The following ZBTB41 variants were observed in gnomAD, a reference collection of about 807,000 sequenced individuals.
ZBTB41 encodes zinc finger and BTB domain-containing protein 41.
ZBTB41 carries 42 observed loss-of-function variants against 87.6 expected under a neutral mutation model. The ratio of observed to expected loss-of-function variants is 0.48; its 90% CI spans 0.37 to 0.62. The LOEUF is 0.62. Ranked by LOEUF, ZBTB41 falls within the 20% of genes least tolerant of loss-of-function variation. The probability of loss-of-function intolerance (pLI) is 0.00; values close to 1 mark genes in which losing one functional copy is unlikely to be tolerated. For synonymous variants in ZBTB41, 364 were observed against 364.0 expected, an observed-to-expected ratio of 1.00 and a Z score of 0.00; for missense variants, 799 against 1,078.9, an observed-to-expected ratio of 0.74 and a Z score of 3.63.
At chr1:197,187,531 G>A (rs1282701745) in intron 5 of ZBTB41, among the ~76,000 whole-genome samples, 1 of 152,042 alleles carries the variant, frequency 6.6e-6, no homozygotes, top group African/African-American at 2.4e-5. Flanking sequence ...ATGGAAATGT[G>A]ATGTAAATCA....
In ZBTB41 at chr1:197,158,834, A is replaced by T. The variant is rs1347714769; in HGVS notation, c.*525T>A. On this transcript the variant is annotated 3_prime_UTR_variant, in exon 11 of 11. Coordinates refer to ENST00000367405, the MANE Select transcript of ZBTB41 (RefSeq NM_194314.3). ...TTATGTATGAATGGAAAGACAACAC[A>T]GAAATATCCAAGGCATTCTTGTAAA... The T allele has an allele frequency of 6.5e-6, 1 of 153,050 alleles. No homozygotes were observed. The allele number at this position is 153,050 out of a possible 1,614,324, so 9.5% of individuals were successfully genotyped here.
intron 2 of ZBTB41, among the ~76,000 whole-genome samples, chr1:197,196,147 G>A (rs561276793): frequency 2.6e-5 from 4 of 152,254 alleles, no homozygotes; most frequent in African/African-American, 9.6e-5. Context: ...GTAACCTCCA[G>A]GCTCACAATC....
At chr1:197,164,333 T>C (rs1175326108) in intron 10 of ZBTB41, among the ~76,000 whole-genome samples, 2 of 151,914 alleles carry the variant, frequency 1.3e-5, no homozygotes, top group Non-Finnish European at 2.9e-5. Flanking sequence ...TTAATGATTA[T>C]AAACAAAGTG....
At chr1:197,174,895 G>C in intron 9 of ZBTB41, 115 bp downstream of exon 9, 1 of 667,436 alleles carries the variant, frequency 1.5e-6, no homozygotes, top group Non-Finnish European at 2.5e-6. Context: ...ACAGAATGTA[G>C]AGAAAGAGAA....
rs1050769120 is a variant in ZBTB41, at chr1:197,162,571, GAGACTTATTTC to G, written c.2075-2568_2075-2558del. On this transcript the variant is annotated intron_variant, in intron 10 of 10. Coordinates refer to ENST00000367405, the MANE Select transcript of ZBTB41 (RefSeq NM_194314.3). Reference sequence around the variant, plus strand: ...TTGGTATGTGAAAAATGTGCATTGGGAGACTTATTTCAGACTTATTTCAGACTTACATCATA... The same window carrying G: ...TTGGTATGTGAAAAATGTGCATTGGGAGACTTATTTCAGACTTACATCATA... Among the ~76,000 whole-genome samples, 15 of 152,114 alleles carry G rather than the reference GAGACTTATTTC, an allele frequency of 9.9e-5. No individual in the cohort carries two copies. In the East Asian group the frequency reaches 1.2e-3, roughly 12 times the overall value.
chr1:197,196,151 CACAATCTAAG>C (rs1001090938), intron 2 of ZBTB41, among the ~76,000 whole-genome samples: 9 of 152,244 alleles, frequency 5.9e-5, no homozygotes, highest in African/African-American at 2.2e-4. Context: ...CCTCCAGGCT[CACAATCTAAG>C]ACAGATAAAT....
intron 10 of ZBTB41, among the ~76,000 whole-genome samples, chr1:197,171,205 G>A (rs1393855298): frequency 6.6e-6 from 1 of 152,040 alleles, no homozygotes. Context: ...CAAAAGATAT[G>A]GAAGATACCA....
intron 8 of ZBTB41, 77 bp from the exon 9 acceptor site, chr1:197,175,192 GT>G: frequency 8.3e-7 from 1 of 1,207,954 alleles, no homozygotes; most frequent in South Asian, 1.4e-5. Flanking sequence ...CTATCAAACA[GT>G]AAGATCACAT....
intron 10 of ZBTB41, among the ~76,000 whole-genome samples, chr1:197,161,431 TA>T (rs1428147237): frequency 6.6e-6 from 1 of 150,776 alleles, no homozygotes; most frequent in Non-Finnish European, 1.5e-5. Context: ...GTTGAATCAC[TA>T]ATATCAAACT....
chr1:197,195,617 A>C (rs979578711), intron 2 of ZBTB41, among the ~76,000 whole-genome samples: 9 of 152,160 alleles, frequency 5.9e-5, no homozygotes, highest in African/African-American at 1.9e-4. Flanking sequence ...AAGGTATAAA[A>C]CATGTTCTAC....
At chr1:197,178,901 TTAG>T (rs1339791484) in intron 6 of ZBTB41, among the ~76,000 whole-genome samples, 1 of 152,158 alleles carries the variant, frequency 6.6e-6, no homozygotes, top group Non-Finnish European at 1.5e-5. Context: ...AAATATGTGC[TTAG>T]TATTTATTGA....
chr1:197,167,858 C>T (rs912872226), intron 10 of ZBTB41, among the ~76,000 whole-genome samples: 6 of 152,096 alleles, frequency 3.9e-5, no homozygotes, highest in Non-Finnish European at 8.8e-5. Context: ...CTCAATGTTT[C>T]TACTGGAGAT....
chr1:197,199,743 A>C lies in ZBTB41; in HGVS notation c.731T>G (p.Leu244Arg), dbSNP rs1408569265. 1 of 1,613,512 alleles carries C rather than the reference A, an allele frequency of 6.2e-7. No individual in the cohort carries two copies. Among genetic ancestry groups the C allele is most frequent in the East Asian group, 2.2e-5 (1 of 44,870 alleles). ...TCTTCTTGCGGAGAAACTTCTCTCC[A>C]GCATTTTTAACCCATGTTTTTTCCC... The part of the protein sequence containing the change: ...LLGKKHGLKM[L>R]ERSFSARRSK... The change falls in exon 2 of 11, where the codon CTG becomes CGG. Residue 244 changes from leucine (L) to arginine (R), a missense_variant. Physicochemically the swap from Leu to Arg is moderately radical, Grantham distance 102 (BLOSUM62 -2). Transcript: ENST00000367405.
At chr1:197,174,235 A>C (rs1290009983) in intron 9 of ZBTB41, among the ~76,000 whole-genome samples, 1 of 152,140 alleles carries the variant, frequency 6.6e-6, no homozygotes, top group African/African-American at 2.4e-5. Flanking sequence ...TCAGTAAAAA[A>C]AGAACTTAAA....
rs1334841577 is a variant in ZBTB41 at position 197,153,933 on chromosome 1, AATT to A, written c.*5423_*5425del. The A allele has an allele frequency of 1.1e-4, 17 of 152,472 alleles. No individual in the cohort carries two copies. The highest frequency in any genetic ancestry group is 3.6e-4 in the African/African-American group (15 of 41,548). The allele number at this position is 152,472 out of a possible 1,614,324, so 9.4% of individuals were successfully genotyped here. On this transcript the variant is annotated 3_prime_UTR_variant, in exon 11 of 11. Coordinates refer to ENST00000367405, the MANE Select transcript of ZBTB41 (RefSeq NM_194314.3). Reference sequence around the variant, plus strand: ...TAAAGTATCCTTAATTAAAAACAAAAATTATTATTTGAGACTGAAAACAAGTGC... The same window carrying A: ...TAAAGTATCCTTAATTAAAAACAAAAATTATTTGAGACTGAAAACAAGTGC...
intron 9 of ZBTB41, among the ~76,000 whole-genome samples, chr1:197,173,798 T>TA (rs1275050047): frequency 6.6e-6 from 1 of 152,066 alleles, no homozygotes; most frequent in Non-Finnish European, 1.5e-5. Flanking sequence ...CATGGGCACA[T>TA]AGAGAAAGAG....
rs1324014584 is a variant in ZBTB41, at chr1:197,199,379, T to C, written c.1095A>G (p.Lys365=). The C allele has an allele frequency of 6.4e-7, 1 of 1,573,760 alleles. No individual in the cohort carries two copies. Residue 365 remains lysine, a synonymous_variant, in exon 2 of 11, where the codon AAA becomes AAG. Transcript: ENST00000367405. ...CTATTCGGTCAAATGTTTTATCACA[T>C]TTAGGACACTGCAATATTTTTTTGT... ...NSNKKILQCP[K]CDKTFDRIGK...
intron 4 of ZBTB41, among the ~76,000 whole-genome samples, chr1:197,190,271 A>G (rs566624231): frequency 1.3e-5 from 2 of 152,296 alleles, no homozygotes; most frequent in African/African-American, 4.8e-5. Context: ...ACCATGCACT[A>G]GTTGAAAACA....
chr1:197,185,999 A>G lies in ZBTB41; in HGVS notation c.1546+2293T>C, dbSNP rs143339628. On this transcript the variant is annotated intron_variant, in intron 5 of 10. Coordinates refer to ENST00000367405, the MANE Select transcript of ZBTB41 (RefSeq NM_194314.3). The stretch of plus-strand genomic sequence containing the variant: ...TAAAGTTAATATGGAAAGGCAAAAG[A>G]TCCAGAAGAGCCAACACAACACTGA... Among the ~76,000 whole-genome samples, 89 of 152,284 alleles carry G rather than the reference A, an allele frequency of 5.8e-4. 1 individual carries two copies. Among genetic ancestry groups the G allele is most frequent in the African/African-American group, 1.8e-3 (74 of 41,558 alleles).
Sources: allele counts gnomAD v4.1 joint callset (sites outside exome capture counted in the v4.1 genomes callset), GRCh38; gene constraint gnomAD v4.1.1; transcripts MANE v1.5; gene names NCBI Gene and HGNC (gene_info 2026-07-23, HGNC 2026-07-21).